PTPRD: variants seen among roughly 807,000 people sequenced by gnomAD.
PTPRD encodes protein tyrosine phosphatase receptor type D.
In PTPRD, 34 loss-of-function variants were observed where a neutral mutation model predicts 214.5. The ratio of observed to expected loss-of-function variants is 0.16; its 90% CI spans 0.12 to 0.21. PTPRD has a LOEUF of 0.21. Ranked by LOEUF, PTPRD falls within the 10% of genes least tolerant of loss-of-function variation. The pLI, the probability that PTPRD is intolerant of heterozygous loss-of-function variation, is 1.00. For missense variants in PTPRD, 2,545 were observed against 2,398.7 expected (o/e 1.06, Z -1.27); for synonymous variants, 1,128 against 845.7 (o/e 1.33, Z -5.79).
chr9:8,851,308 A>G (rs957597101), intron 11 of PTPRD, among the ~76,000 whole-genome samples: 6 of 152,202 alleles, frequency 3.9e-5, no homozygotes, highest in African/African-American at 1.4e-4. Flanking sequence ...CCAGGAATAT[A>G]TTAATAAAAT....
intron 2 of PTPRD, 126 bp downstream of exon 2, chr9:10,612,272 T>C (rs1261265303): frequency 6.6e-6 from 1 of 150,664 alleles, no homozygotes; most frequent in African/African-American, 2.4e-5. Context: ...CTACTGAAGT[T>C]ATATAAGTCA....
chr9:9,771,310 G>T (rs138565192), intron 5 of PTPRD, among the ~76,000 whole-genome samples: 1 of 152,056 alleles, frequency 6.6e-6, no homozygotes, highest in African/African-American at 2.4e-5. Context: ...ACATTCATAA[G>T]TGTGTGTATA....
intron 3 of PTPRD, among the ~76,000 whole-genome samples, chr9:10,132,333 C>A (rs1456365892): frequency 1.3e-5 from 2 of 152,038 alleles, no homozygotes; most frequent in East Asian, 3.9e-4. Flanking sequence ...CAAATAGATT[C>A]TCAGACAGAA....
chr9:9,637,574 T>C (rs1461620559), intron 7 of PTPRD, among the ~76,000 whole-genome samples: 1 of 152,206 alleles, frequency 6.6e-6, no homozygotes, highest in Non-Finnish European at 1.5e-5. Flanking sequence ...GTTCCCCTAA[T>C]GCCTTGGGCA....
chr9:9,998,516 T>C (rs955267619), intron 4 of PTPRD, among the ~76,000 whole-genome samples: 2 of 151,704 alleles, frequency 1.3e-5, no homozygotes, highest in African/African-American at 4.9e-5. Flanking sequence ...TCAACCTTAG[T>C]TGACACATAC....
intron 4 of PTPRD, among the ~76,000 whole-genome samples, chr9:10,009,723 C>T (rs959303212): frequency 2.0e-5 from 3 of 151,832 alleles, no homozygotes; most frequent in East Asian, 3.9e-4. Flanking sequence ...AAGTTTCTCC[C>T]GCAAAGGACA....
At chr9:9,189,548 G>A (rs1046851734) in intron 9 of PTPRD, among the ~76,000 whole-genome samples, 3 of 151,992 alleles carry the variant, frequency 2.0e-5, no homozygotes, top group African/African-American at 2.4e-5. Flanking sequence ...AAATCCATAT[G>A]AGATGCTTCT....
At chr9:10,417,034 ATG>A (rs2098497893) in intron 2 of PTPRD, among the ~76,000 whole-genome samples, 1 of 151,904 alleles carries the variant, frequency 6.6e-6, no homozygotes, top group South Asian at 2.1e-4. Context: ...GAGGGTGTTG[ATG>A]AAGACAGTGG....
intron 4 of PTPRD, among the ~76,000 whole-genome samples, chr9:9,964,057 CAGGCAGAGACGG>C (rs144964249): frequency 0.091 from 13,402 of 147,944 alleles, 902 homozygotes; most frequent in East Asian, 0.37. Flanking sequence ...GAGGCAGAGG[CAGGCAGAGACGG>C]AGGCAGAGAC....
intron 9 of PTPRD, among the ~76,000 whole-genome samples, chr9:9,382,718 T>C (rs1000130304): frequency 6.6e-6 from 1 of 152,102 alleles, no homozygotes; most frequent in African/African-American, 2.4e-5. Flanking sequence ...TGTAAAACAG[T>C]ACAGCTATTA....
chr9:9,603,938 T>C (rs987303993), intron 7 of PTPRD, among the ~76,000 whole-genome samples: 18 of 152,116 alleles, frequency 1.2e-4, no homozygotes, highest in African/African-American at 4.3e-4. Context: ...AGATAATTTC[T>C]TTAACATAAA....
intron 7 of PTPRD, among the ~76,000 whole-genome samples, chr9:9,729,363 G>T (rs937686573): frequency 7.2e-5 from 11 of 152,006 alleles, no homozygotes; most frequent in African/African-American, 2.7e-4. Context: ...GACTGAAAAT[G>T]CACATAGAGG....
rs537223663 is a variant in PTPRD at position 10,107,021 on chromosome 9, A to G, written c.-544-73231T>C. 8.5e-5 allele frequency among the ~76,000 whole-genome samples: 13 copies of G among 152,106 alleles called. No homozygotes were observed. In the South Asian group the frequency reaches 2.7e-3, roughly 32 times the overall value. On this transcript the variant is annotated intron_variant, in intron 3 of 45. Coordinates refer to ENST00000381196, the MANE Select transcript of PTPRD (RefSeq NM_002839.4). ...GAATGAAGGGATGAGGAAGAAATCG[A>G]TGATGACACTATGGGCTTGAGCCTG...
At chr9:9,013,757 T>C (rs1425079548) in intron 11 of PTPRD, among the ~76,000 whole-genome samples, 4 of 152,270 alleles carry the variant, frequency 2.6e-5, no homozygotes, top group South Asian at 2.1e-4. Flanking sequence ...GGTATGGGGA[T>C]GTACCCACTG....
intron 33 of PTPRD, among the ~76,000 whole-genome samples, chr9:8,458,708 C>T (rs879924627): frequency 6.6e-6 from 1 of 152,142 alleles, no homozygotes; most frequent in South Asian, 2.1e-4. Context: ...ATGCTTCCTG[C>T]CCTTATCTCT....
intron 15 of PTPRD, 78 bp from the exon 16 acceptor site, chr9:8,527,431 CAG>C (rs1334626721): frequency 3.6e-6 from 5 of 1,386,564 alleles, no homozygotes; most frequent in Non-Finnish European, 5.1e-6. Context: ...ACAAATTTTT[CAG>C]AGTTAAAGCT....
chr9:8,934,949 CT>C (rs2098986612), intron 11 of PTPRD, among the ~76,000 whole-genome samples: 1 of 151,890 alleles, frequency 6.6e-6, no homozygotes, highest in South Asian at 2.1e-4. Flanking sequence ...GATTTTCTTC[CT>C]TTTTTAAAGC....
intron 7 of PTPRD, among the ~76,000 whole-genome samples, chr9:9,631,869 T>C (rs1168947793): frequency 6.6e-6 from 1 of 152,156 alleles, no homozygotes; most frequent in Non-Finnish European, 1.5e-5. Flanking sequence ...TTAGAAAATA[T>C]AAGTAATTGG....
intron 8 of PTPRD, among the ~76,000 whole-genome samples, chr9:9,518,946 G>C (rs1403938679): frequency 6.6e-6 from 1 of 151,842 alleles, no homozygotes; most frequent in Non-Finnish European, 1.5e-5. Context: ...CTTCTATAAT[G>C]AGGGCATTGT....
Sources: gnomAD v4.1 joint callset for allele counts (sites outside exome capture counted in the v4.1 genomes callset) on GRCh38, gnomAD v4.1.1 for gene constraint, MANE v1.5 for transcripts, NCBI Gene and HGNC (gene_info 2026-07-23, HGNC 2026-07-21) for gene names.